Variants in PRR16 observed in about 807,000 individuals in gnomAD.
The protein encoded by PRR16 is protein Largen.
In PRR16, 6 loss-of-function variants were observed where a neutral mutation model predicts 18.2. The ratio of observed to expected loss-of-function variants is 0.33; its 90% CI spans 0.18 to 0.65. The LOEUF (loss-of-function observed/expected upper bound fraction) is 0.65. Ranked by LOEUF, PRR16 falls within the 30% of genes least tolerant of loss-of-function variation. The pLI is 0.74. For missense variants in PRR16, 412 were observed against 376.6 expected, an observed-to-expected ratio of 1.09 and a Z score of -0.78; for synonymous variants, 151 against 147.8, an observed-to-expected ratio of 1.02 and a Z score of -0.16.
At chr5:120,754,390 T>TAC in the PRR16 span, among the ~76,000 whole-genome samples, 1 of 99,116 alleles carries the variant, frequency 1.0e-5, no homozygotes, top group African/African-American at 4.2e-5. Context: ...ATATATATTA[T>TAC]ATGTTATATA....
chr5:120,627,268 T>C (rs552877759), intron 1 of PRR16, among the ~76,000 whole-genome samples: 4 of 152,284 alleles, frequency 2.6e-5, no homozygotes, highest in South Asian at 2.1e-4. Flanking sequence ...ATGCTAGTCT[T>C]ATACAATCTG....
At chr5:120,653,551 A>G (rs1449193336) in intron 1 of PRR16, among the ~76,000 whole-genome samples, 1 of 152,060 alleles carries the variant, frequency 6.6e-6, no homozygotes, top group Non-Finnish European at 1.5e-5. Flanking sequence ...TTCTAGAAAT[A>G]AAGAGATAAA....
At chr5:120,611,067 G>A (rs971988281) in intron 1 of PRR16, among the ~76,000 whole-genome samples, 3 of 152,172 alleles carry the variant, frequency 2.0e-5, no homozygotes, top group Admixed American at 6.5e-5. Context: ...CTTGTTACGT[G>A]TTAGCAAAAA....
At chr5:120,488,591 A>C (rs1468855126) in intron 1 of PRR16, among the ~76,000 whole-genome samples, 1 of 152,092 alleles carries the variant, frequency 6.6e-6, no homozygotes, top group African/African-American at 2.4e-5. Flanking sequence ...GATCGTTTCA[A>C]AAAACCAGCT....
the PRR16 span, among the ~76,000 whole-genome samples, chr5:120,785,823 A>T: frequency 1.3e-5 from 2 of 149,638 alleles, no homozygotes; most frequent in African/African-American, 4.9e-5. Flanking sequence ...TCCGCCTCGG[A>T]CTCCCAAAGT....
At chr5:120,742,135 T>C in the PRR16 span, among the ~76,000 whole-genome samples, 1 of 152,014 alleles carries the variant, frequency 6.6e-6, no homozygotes, top group Non-Finnish European at 1.5e-5. Flanking sequence ...ATATATAATA[T>C]TTCATTATTT....
chr5:120,639,242 A>G (rs930537205), intron 1 of PRR16, among the ~76,000 whole-genome samples: 1 of 152,036 alleles, frequency 6.6e-6, no homozygotes, highest in Non-Finnish European at 1.5e-5. Context: ...TTTTGTGATT[A>G]TAATTTGTTT....
chr5:120,722,915 C>T, the PRR16 span, among the ~76,000 whole-genome samples: 5 of 151,372 alleles, frequency 3.3e-5, no homozygotes, highest in East Asian at 3.9e-4. Flanking sequence ...CTGAAAGTAT[C>T]TATCTCTATA....
At chr5:120,537,769 G>GTTATTT (rs1561536413) in intron 1 of PRR16, among the ~76,000 whole-genome samples, 37 of 115,196 alleles carry the variant, frequency 3.2e-4, no homozygotes, top group African/African-American at 4.6e-4. Context: ...AATTTTTAAT[G>GTTATTT]TTTTTTTTTT....
At chr5:120,537,140 A>G (rs572817678) in intron 1 of PRR16, among the ~76,000 whole-genome samples, 1 of 152,312 alleles carries the variant, frequency 6.6e-6, no homozygotes, top group South Asian at 2.1e-4. Flanking sequence ...CAAACCCTCA[A>G]GACATGAGTT....
chr5:120,530,028 T>C (rs552037818), intron 1 of PRR16, among the ~76,000 whole-genome samples: 1 of 151,226 alleles, frequency 6.6e-6, no homozygotes, highest in Non-Finnish European at 1.5e-5. Flanking sequence ...TTTCACTTTT[T>C]ATGAAGTTTA....
chr5:120,698,173 G>A, the PRR16 span, among the ~76,000 whole-genome samples: 11 of 152,102 alleles, frequency 7.2e-5, no homozygotes, highest in Non-Finnish European at 1.5e-4. Flanking sequence ...CAGGGTGAGG[G>A]GTGGCGTGGG....
At chr5:120,481,357 T>C in intron 1 of PRR16, 1 of 361,814 alleles carries the variant, frequency 2.8e-6, no homozygotes, top group Non-Finnish European at 5.6e-6. Context: ...TCTTGAACTC[T>C]TGAGCTCAGG....
chr5:120,466,023 T>G (rs2112792230), intron 1 of PRR16, among the ~76,000 whole-genome samples: 1 of 152,232 alleles, frequency 6.6e-6, no homozygotes, highest in African/African-American at 2.4e-5. Context: ...GTCACCAGGG[T>G]TAAGTTTGCC....
chr5:120,594,964 G>A (rs1409573201), intron 1 of PRR16, among the ~76,000 whole-genome samples: 2 of 151,912 alleles, frequency 1.3e-5, no homozygotes, highest in Non-Finnish European at 1.5e-5. Flanking sequence ...ACCAAAAATG[G>A]GATGAAGACT....
At chr5:120,695,302 T>A in the PRR16 span, among the ~76,000 whole-genome samples, 1 of 152,198 alleles carries the variant, frequency 6.6e-6, no homozygotes, top group Admixed American at 6.5e-5. Flanking sequence ...AGTGGACTTA[T>A]CAGTTATTAG....
chr5:120,724,638 A>G, the PRR16 span, among the ~76,000 whole-genome samples: 1 of 152,020 alleles, frequency 6.6e-6, no homozygotes, highest in South Asian at 2.1e-4. Context: ...TAACTCTTTG[A>G]CATTCTTCAG....
chr5:120,718,439 T>G, the PRR16 span, among the ~76,000 whole-genome samples: 1 of 152,286 alleles, frequency 6.6e-6, no homozygotes, highest in South Asian at 2.1e-4. Context: ...TGACAATTGC[T>G]AAGTCATTGC....
intron 1 of PRR16, among the ~76,000 whole-genome samples, chr5:120,499,696 C>CA (rs1254364569): frequency 6.6e-6 from 1 of 150,900 alleles, no homozygotes; most frequent in African/African-American, 2.4e-5. Context: ...TTCTTTGAAG[C>CA]ATTTTCTGTG....
Sources: gnomAD v4.1 joint callset for allele counts (sites outside exome capture counted in the v4.1 genomes callset) on GRCh38, gnomAD v4.1.1 for gene constraint, MANE v1.5 for transcripts, NCBI Gene and HGNC (gene_info 2026-07-23, HGNC 2026-07-21) for gene names.